The following SFXN1 variants were observed in gnomAD, a reference collection of about 807,000 sequenced individuals.
SFXN1 encodes the protein sideroflexin-1.
In SFXN1, 32 loss-of-function variants were observed where a neutral mutation model predicts 39.5. The observed-to-expected ratio is 0.81, with a 90% CI of 0.61 to 1.09. SFXN1 has a LOEUF of 1.09. Among genes scored for constraint, SFXN1 ranks in the 50% least tolerant of loss-of-function variants. SFXN1 has a pLI of 0.00. For missense variants in SFXN1, 402 were observed against 407.1 expected, an observed-to-expected ratio of 0.99 and a Z score of 0.11; for synonymous variants, 136 against 146.5, an observed-to-expected ratio of 0.93 and a Z score of 0.52.
At chr5:175,515,418 A>G (rs1760683865) in intron 7 of SFXN1, among the ~76,000 whole-genome samples, 1 of 152,216 alleles carries the variant, frequency 6.6e-6, no homozygotes, top group South Asian at 2.1e-4. Flanking sequence ...TATTTTAAAC[A>G]CTATTTAGTC....
At chr5:175,500,404 ACACACACACACACACAC>A (rs1387047689) in intron 2 of SFXN1, among the ~76,000 whole-genome samples, 1 of 12,606 alleles carries the variant, frequency 7.9e-5, no homozygotes, top group African/African-American at 1.7e-3. Flanking sequence ...CTGTACACCA[ACACACACACACACACAC>A]ACACACACAC....
At chr5:175,482,842 A>T (rs578239405) in intron 1 of SFXN1, among the ~76,000 whole-genome samples, 7 of 152,196 alleles carry the variant, frequency 4.6e-5, no homozygotes, top group Non-Finnish European at 1.0e-4. Flanking sequence ...TCCGGTTCTC[A>T]TTCCATAGGT....
At position 175,526,917 on chromosome 5, in the gene SFXN1, A is replaced by G; in HGVS notation, c.*183A>G. 1.7e-6 allele frequency: 1 copy of G among 593,432 alleles called. No homozygotes were observed. Among genetic ancestry groups the G allele is most frequent in the Non-Finnish European group, 3.0e-6 (1 of 334,328 alleles). The allele number at this position is 593,432 out of a possible 1,614,324, so 36.8% of individuals were successfully genotyped here. A position where few individuals can be genotyped will look rare whatever the true frequency, so the allele number is the denominator to read the frequency against. On this transcript the variant is annotated 3_prime_UTR_variant, in exon 11 of 11. Transcript: ENST00000321442. ...ACCTGGCGTGGGCCAAGTGCCTGAT[A>G]CTCCCTTACACTGAATCATGTTATG...
At chr5:175,496,593 T>A (rs1317137441) in intron 2 of SFXN1, among the ~76,000 whole-genome samples, 1 of 152,126 alleles carries the variant, frequency 6.6e-6, no homozygotes, top group Non-Finnish European at 1.5e-5. Flanking sequence ...CCTTAATAAT[T>A]TACTAACATA....
At chr5:175,522,305 G>A in intron 9 of SFXN1, 70 bp from the exon 10 acceptor site, 1 of 1,450,078 alleles carries the variant, frequency 6.9e-7, no homozygotes, top group South Asian at 1.4e-5. Flanking sequence ...TGTTATAAAA[G>A]TAAAATAGAA....
intron 4 of SFXN1, 172 bp downstream of exon 4, chr5:175,510,379 T>TTC: frequency 1.7e-6 from 1 of 595,794 alleles, no homozygotes; most frequent in Non-Finnish European, 2.9e-6. Context: ...GTGTTTCATT[T>TTC]TCTCTCTCCC....
intron 2 of SFXN1, among the ~76,000 whole-genome samples, chr5:175,504,768 G>A (rs533358978): frequency 2.6e-5 from 4 of 151,804 alleles, no homozygotes; most frequent in East Asian, 2.0e-4. Flanking sequence ...TTGCTCTGTC[G>A]CCCAGGCTGG....
At chr5:175,481,615 A>T (rs1759253798) in intron 1 of SFXN1, among the ~76,000 whole-genome samples, 1 of 152,214 alleles carries the variant, frequency 6.6e-6, no homozygotes, top group Admixed American at 6.5e-5. Context: ...CGCCTGGCAC[A>T]TGGGTGTTTT....
At position 175,510,134 on chromosome 5, in the gene SFXN1, C is replaced by G; in HGVS notation, c.361C>G (p.Gln121Glu). The G allele has an allele frequency of 6.2e-7, 1 of 1,613,112 alleles. No homozygotes were observed. Among genetic ancestry groups the G allele is most frequent in the Non-Finnish European group, 8.5e-7 (1 of 1,179,646 alleles). The stretch of plus-strand genomic sequence containing the variant: ...GACTACGCCGGCTGTGCTGTTCTGG[C>G]AGTGGATTAACCAGTCCTTCAATGC... ...YRTTPAVLFWQWINQSFNAVV... is the reference protein window; with the variant it reads ...YRTTPAVLFWEWINQSFNAVV... The change falls in exon 4 of 11, where the codon CAG becomes GAG. Residue 121 changes from glutamine to glutamate, a missense_variant. Transcript: ENST00000321442.
chr5:175,509,126 A>T lies in SFXN1; in HGVS notation c.259A>T (p.Met87Leu). 1 of 1,613,930 alleles carries T rather than the reference A, an allele frequency of 6.2e-7. No homozygotes were observed. The highest frequency in any genetic ancestry group is 2.2e-5 in the East Asian group (1 of 44,856). The change falls in exon 3 of 11, where the codon ATG (methionine) becomes TTG (leucine). Residue 87 changes from methionine (M) to leucine (L), a missense_variant. Transcript: ENST00000321442. ...TTTTCATCCTGACACTGGTGAGAAG[A>T]TGATTTTGATAGGAAGAATGTCAGC... The part of the protein sequence containing the change: ...SAFHPDTGEK[M>L]ILIGRMSAQV...
intron 2 of SFXN1, among the ~76,000 whole-genome samples, chr5:175,497,936 G>GAAAAAAAAAAAAAAAAAAAA (rs71581646): frequency 1.0e-5 from 1 of 95,852 alleles, no homozygotes; most frequent in Non-Finnish European, 2.3e-5. Context: ...GTCTCAAAAA[G>GAAAAAAAAAAAAAAAAAAAA]AAAAAAAAAA....
At position 175,496,651 on chromosome 5, in the gene SFXN1, G is replaced by T. The variant is rs552396528; in HGVS notation, c.164+4384G>T. The stretch of plus-strand genomic sequence containing the variant: ...AATCAAATCAAAGACTTTAAAATTG[G>T]GTGGAAACACTTAAAAAGCTCAGTG... On this transcript the variant is annotated intron_variant, in intron 2 of 10. Transcript: ENST00000321442. 2.3e-4 allele frequency among the ~76,000 whole-genome samples: 35 copies of T among 152,174 alleles called. 1 individual carries two copies. Among genetic ancestry groups the T allele is most frequent in the African/African-American group, 7.9e-4 (33 of 41,526 alleles).
rs888835013 is a variant in SFXN1, at chr5:175,528,401, A to T, written c.*1667A>T. The T allele has an allele frequency of 1.3e-5, 2 of 152,202 alleles. No homozygotes were observed. The highest frequency in any genetic ancestry group is 2.9e-5 in the Non-Finnish European group (2 of 68,082). The allele number at this position is 152,202 out of a possible 1,614,324, so 9.4% of individuals were successfully genotyped here. On this transcript the variant is annotated 3_prime_UTR_variant, in exon 11 of 11. Transcript: ENST00000321442. The stretch of plus-strand genomic sequence containing the variant: ...ATATGCAAATACTGTGCCATTTTAT[A>T]TCAGGAACTTGAGCATCTGCAGATA...
chr5:175,526,294 C>CG (rs1266606393), intron 10 of SFXN1, among the ~76,000 whole-genome samples: 1 of 152,000 alleles, frequency 6.6e-6, no homozygotes, highest in Non-Finnish European at 1.5e-5. Context: ...ATGATTGATA[C>CG]GTTTTTCTTA....
At position 175,481,001 on chromosome 5, in the gene SFXN1, T is replaced by C. The variant is rs148321741; in HGVS notation, c.-10+2362T>C. ...CAAACCTGCACTTAATTACACAAAG[T>C]TCAAAGTTACTAAGTTTTTCTTTAG... On this transcript the variant is annotated intron_variant, in intron 1 of 10. Coordinates refer to ENST00000321442, the MANE Select transcript of SFXN1 (RefSeq NM_022754.7). Among the ~76,000 whole-genome samples the C allele has an allele frequency of 2.4e-3, 359 of 152,370 alleles. 1 individual carries two copies. The highest frequency in any genetic ancestry group is 8.4e-3 in the African/African-American group (350 of 41,588).
At chr5:175,491,256 T>A (rs267380) in intron 1 of SFXN1, among the ~76,000 whole-genome samples, 99,608 of 151,998 alleles carry the variant, frequency 0.66, 33,173 homozygotes, top group African/African-American at 0.75. Context: ...CTGGAAGAAC[T>A]TAATTTTTAA....
chr5:175,506,899 C>T (rs182062122), intron 2 of SFXN1, among the ~76,000 whole-genome samples: 195 of 152,216 alleles, frequency 1.3e-3, no homozygotes, highest in African/African-American at 4.3e-3. Flanking sequence ...CTCCTGACCT[C>T]GTGATCCACC....
At chr5:175,511,864 C>T (rs2644670) in intron 5 of SFXN1, among the ~76,000 whole-genome samples, 24 of 130,186 alleles carry the variant, frequency 1.8e-4, no homozygotes, top group East Asian at 6.2e-4. Flanking sequence ...TCTCTCTCTC[C>T]CCACTCCAAA....
intron 1 of SFXN1, among the ~76,000 whole-genome samples, chr5:175,479,635 G>T (rs1372019583): frequency 6.6e-6 from 1 of 152,028 alleles, no homozygotes; most frequent in Non-Finnish European, 1.5e-5. Flanking sequence ...GTGTTGCTCA[G>T]CCTATCTATC....
Sources: gnomAD v4.1 joint callset for allele counts (sites outside exome capture counted in the v4.1 genomes callset) on GRCh38, gnomAD v4.1.1 for gene constraint, MANE v1.5 for transcripts, NCBI Gene and HGNC (gene_info 2026-07-23, HGNC 2026-07-21) for gene names.